SLC25A36: variants seen among roughly 807,000 people sequenced by gnomAD.
SLC25A36 encodes solute carrier family 25 member 36, also known as epididymis secretory sperm binding protein.
Under a neutral mutation model 35.3 loss-of-function variants are expected in SLC25A36, and 24 were observed. The ratio of observed to expected loss-of-function variants is 0.68; its 90% CI spans 0.49 to 0.96. SLC25A36 has a LOEUF of 0.96. SLC25A36 is among the 40% of genes least tolerant of loss of function. SLC25A36 has a pLI of 0.00. For missense variants in SLC25A36, 294 were observed against 381.1 expected, an observed-to-expected ratio of 0.77 and a Z score of 1.90; for synonymous variants, 141 against 132.2, an observed-to-expected ratio of 1.07 and a Z score of -0.46.
In SLC25A36 at chr3:140,979,696, C is replaced by G. The variant is rs1935140191; in HGVS notation, c.*3243C>G. ...TTGTAGAAACAAAATTCTGGTTTGA[C>G]TCAGTTTTTGTGTTTATAAACTTTT... On this transcript the variant is annotated 3_prime_UTR_variant, in exon 7 of 7. Coordinates refer to ENST00000324194, the MANE Select transcript of SLC25A36 (RefSeq NM_001104647.3). 1 of 152,096 alleles carries G rather than the reference C, an allele frequency of 6.6e-6. No individual in the cohort carries two copies. The highest frequency in any genetic ancestry group is 2.1e-4 in the South Asian group (1 of 4,826). The allele number at this position is 152,096 out of a possible 1,614,324, so 9.4% of individuals were successfully genotyped here.
At position 140,942,078 on chromosome 3, in the gene SLC25A36, G is replaced by A. The variant is rs1346060773; in HGVS notation, c.24G>A (p.Val8=). The A allele has an allele frequency of 1.3e-6, 2 of 1,489,672 alleles. No homozygotes were observed. The highest frequency in any genetic ancestry group is 1.2e-5 in the South Asian group (1 of 80,490). 92.3% of individuals were successfully genotyped at this position (1,489,672 alleles called of 1,614,324 possible). A position where few individuals can be genotyped will look rare whatever the true frequency, so the allele number is the denominator to read the frequency against. MSQRDTL[V]HLFAGGCGGT... ...GAATGAGCCAGAGGGACACGCTGGTGCATCTGTTTGCCGGAGGGTAAGGTC... is the reference window on the plus strand; with the variant it reads ...GAATGAGCCAGAGGGACACGCTGGTACATCTGTTTGCCGGAGGGTAAGGTC... The change falls in exon 1 of 7, where the codon GTG becomes GTA. Residue 8 remains valine (V), a synonymous_variant. Transcript: ENST00000324194.
rs1207304171 is a variant in SLC25A36 at position 140,977,764 on chromosome 3, A to T, written c.*1311A>T. On this transcript the variant is annotated 3_prime_UTR_variant, in exon 7 of 7. Transcript: ENST00000324194. ...GACTTCGCCTATGCCATACTGGTGT[A>T]TAAAAACTGCCGCAATTGGACGCCG... The T allele has an allele frequency of 6.6e-6, 1 of 152,162 alleles. No homozygotes were observed. The highest frequency in any genetic ancestry group is 1.5e-5 in the Non-Finnish European group (1 of 68,028). The allele number at this position is 152,162 out of a possible 1,614,324, so 9.4% of individuals were successfully genotyped here. A position where few individuals can be genotyped will look rare whatever the true frequency, so the allele number is the denominator to read the frequency against.
rs551138328 is a variant in SLC25A36 at position 140,978,740 on chromosome 3, C to G, written c.*2287C>G. The G allele has an allele frequency of 1.3e-5, 2 of 152,010 alleles. No homozygotes were observed. The highest frequency in any genetic ancestry group is 2.9e-5 in the Non-Finnish European group (2 of 68,000). 9.4% of individuals were successfully genotyped at this position (152,010 alleles called of 1,614,324 possible). On this transcript the variant is annotated 3_prime_UTR_variant, in exon 7 of 7. Coordinates refer to ENST00000324194, the MANE Select transcript of SLC25A36 (RefSeq NM_001104647.3). ...TATTTGTGCAACAACTAGAAAGGAGCAATGAAGTTTATTTCAGTTGTATTT... is the reference window on the plus strand; with the variant it reads ...TATTTGTGCAACAACTAGAAAGGAGGAATGAAGTTTATTTCAGTTGTATTT...
At chr3:140,949,210 G>A (rs1934251020) in intron 1 of SLC25A36, among the ~76,000 whole-genome samples, 1 of 152,144 alleles carries the variant, frequency 6.6e-6, no homozygotes, top group Non-Finnish European at 1.5e-5. Context: ...CCCCTGGCAT[G>A]CTAGAATTTT....
chr3:140,959,145 A>G (rs1289765311), intron 2 of SLC25A36, among the ~76,000 whole-genome samples: 1 of 151,470 alleles, frequency 6.6e-6, no homozygotes, highest in Non-Finnish European at 1.5e-5. Context: ...CCTCCTGAGT[A>G]GCTGTGATTA....
At chr3:140,968,009 C>A in intron 4 of SLC25A36, 1 of 984,974 alleles carries the variant, frequency 1.0e-6, no homozygotes, top group Non-Finnish European at 1.2e-6. Flanking sequence ...TTCAGGGGCA[C>A]CATTCCCAGT....
At chr3:140,955,386 C>T (rs1296167569) in intron 1 of SLC25A36, among the ~76,000 whole-genome samples, 3 of 152,082 alleles carry the variant, frequency 2.0e-5, no homozygotes, top group African/African-American at 7.2e-5. Flanking sequence ...TCTTTCACCG[C>T]ACTAAGAGCT....
rs1935097630 is a variant in SLC25A36 at position 140,978,109 on chromosome 3, G to C, written c.*1656G>C. 1.3e-5 allele frequency: 2 copies of C among 151,994 alleles called. No homozygotes were observed. The highest frequency in any genetic ancestry group is 6.6e-5 in the Admixed American group (1 of 15,250). The allele number at this position is 151,994 out of a possible 1,614,324, so 9.4% of individuals were successfully genotyped here. ...CAGCGTGTCATTGCAAGCTTTCTCT[G>C]CTGTCACCAGTGAAACATAGTGCCC... On this transcript the variant is annotated 3_prime_UTR_variant, in exon 7 of 7. Coordinates refer to ENST00000324194, the MANE Select transcript of SLC25A36 (RefSeq NM_001104647.3).
chr3:140,956,712 A>C, intron 2 of SLC25A36, 21 bp downstream of exon 2: 1 of 1,555,758 alleles, frequency 6.4e-7, no homozygotes, highest in Non-Finnish European at 8.7e-7. Flanking sequence ...AGTATTCAGG[A>C]GTGTTTTTTA....
chr3:140,960,827 TA>T (rs1449827659), intron 3 of SLC25A36, among the ~76,000 whole-genome samples: 3 of 152,066 alleles, frequency 2.0e-5, no homozygotes, highest in African/African-American at 7.2e-5. Flanking sequence ...AACTAATAAC[TA>T]AAGGAACAAC....
At chr3:140,968,167 T>C in intron 4 of SLC25A36, 3 of 937,158 alleles carry the variant, frequency 3.2e-6, no homozygotes, top group Non-Finnish European at 3.8e-6. Flanking sequence ...AGATTATATT[T>C]ATTAGATGTA....
intron 5 of SLC25A36, 72 bp from the exon 6 acceptor site, chr3:140,973,644 G>T (rs2555707): frequency 0.85 from 919,558 of 1,086,902 alleles, 396,986 homozygotes; most frequent in South Asian, 0.94. Context: ...TTTATTATTA[G>T]AATGACATAT....
intron 2 of SLC25A36, among the ~76,000 whole-genome samples, chr3:140,957,734 CTG>C: frequency 6.6e-6 from 1 of 152,122 alleles, no homozygotes; most frequent in African/African-American, 2.4e-5. Context: ...CAGTGAGACT[CTG>C]TCTCAGAAAA....
At position 140,979,050 on chromosome 3, in the gene SLC25A36, G is replaced by C. The variant is rs1168188698; in HGVS notation, c.*2597G>C. The C allele has an allele frequency of 6.6e-6, 1 of 152,122 alleles. No individual in the cohort carries two copies. The highest frequency in any genetic ancestry group is 1.5e-5 in the Non-Finnish European group (1 of 67,996). The allele number at this position is 152,122 out of a possible 1,614,324, so 9.4% of individuals were successfully genotyped here. A position where few individuals can be genotyped will look rare whatever the true frequency, so the allele number is the denominator to read the frequency against. ...TCAAATCTGAAGAATTAGCGTTTGT[G>C]ATTTCGGGATACCATGCAGTGGTTT... On this transcript the variant is annotated 3_prime_UTR_variant, in exon 7 of 7. Transcript: ENST00000324194.
At chr3:140,961,851 G>A (rs1485731972) in intron 3 of SLC25A36, among the ~76,000 whole-genome samples, 15 of 77,500 alleles carry the variant, frequency 1.9e-4, no homozygotes, top group African/African-American at 8.1e-4. Flanking sequence ...GCGAGGCTCC[G>A]TCTCAAAAAA....
chr3:140,974,948 A>G (rs754731876), intron 6 of SLC25A36, among the ~76,000 whole-genome samples: 47 of 152,084 alleles, frequency 3.1e-4, no homozygotes, highest in Non-Finnish European at 6.0e-4. Flanking sequence ...AGTATCAGCA[A>G]TATTGTTTAG....
At chr3:140,964,003 C>G (rs2107803536) in intron 4 of SLC25A36, 1 of 151,958 alleles carries the variant, frequency 6.6e-6, no homozygotes, top group South Asian at 2.1e-4. Flanking sequence ...GAAAATTCTC[C>G]CTAATATCTG....
chr3:140,969,462 T>TATATA (rs1271191016), intron 4 of SLC25A36, among the ~76,000 whole-genome samples: 1 of 151,886 alleles, frequency 6.6e-6, no homozygotes, highest in African/African-American at 2.4e-5. Context: ...AAATGTAGAA[T>TATATA]ATATAATCTT....
At position 140,970,915 on chromosome 3, in the gene SLC25A36, A is replaced by C. The variant is rs369759046; in HGVS notation, c.386-12A>C. 8.2e-6 allele frequency: 11 copies of C among 1,347,648 alleles called. No individual in the cohort carries two copies. In the African/African-American group the frequency reaches 1.0e-4, roughly 12 times the overall value. 83.5% of individuals were successfully genotyped at this position (1,347,648 alleles called of 1,614,324 possible). A position where few individuals can be genotyped will look rare whatever the true frequency, so the allele number is the denominator to read the frequency against. On this transcript the variant is annotated splice_polypyrimidine_tract_variant and intron_variant, in intron 4 of 6. Coordinates refer to ENST00000324194, the MANE Select transcript of SLC25A36 (RefSeq NM_001104647.3). ...ATTTTTACCAGAGTTCATTTTAAACATGTTTGTTTAGGTTTTACTGCAATC... is the reference window on the plus strand; with the variant it reads ...ATTTTTACCAGAGTTCATTTTAAACCTGTTTGTTTAGGTTTTACTGCAATC...
Sources: gnomAD v4.1 joint callset for allele counts (sites outside exome capture counted in the v4.1 genomes callset) on GRCh38, gnomAD v4.1.1 for gene constraint, MANE v1.5 for transcripts, NCBI Gene and HGNC (gene_info 2026-07-23, HGNC 2026-07-21) for gene names.